Variants in EXOC4 observed in about 807,000 individuals in gnomAD.
The protein encoded by EXOC4 is SEC8-like 1.
EXOC4 carries 71 observed loss-of-function variants against 107.2 expected under a neutral mutation model. The ratio of observed to expected loss-of-function variants is 0.66; its 90% CI spans 0.55 to 0.81. The LOEUF (loss-of-function observed/expected upper bound fraction) is 0.81, where lower values mean the gene tolerates loss of function less well. EXOC4 is among the 30% of genes least tolerant of loss of function. EXOC4 has a pLI of 0.00. For synonymous variants in EXOC4, 456 were observed against 441.2 expected (o/e 1.03, Z -0.42); for missense variants, 1,108 against 1,189.6 (o/e 0.93, Z 1.01).
chr7:133,772,526 TAA>T (rs59601566), intron 10 of EXOC4, among the ~76,000 whole-genome samples: 73 of 149,998 alleles, frequency 4.9e-4, no homozygotes, highest in East Asian at 1.6e-3. Flanking sequence ...ACTTAAAGTA[TAA>T]AAAAAAAAAA....
chr7:134,036,168 G>A (rs1015739750), intron 17 of EXOC4, among the ~76,000 whole-genome samples: 16 of 152,170 alleles, frequency 1.1e-4, no homozygotes, highest in African/African-American at 3.6e-4. Flanking sequence ...GCCCCTGTAT[G>A]AGTTTAATGA....
intron 5 of EXOC4, among the ~76,000 whole-genome samples, chr7:133,318,092 T>C (rs1222081999): frequency 6.6e-6 from 1 of 152,228 alleles, no homozygotes; most frequent in African/African-American, 2.4e-5. Context: ...TGTCTGGTCC[T>C]GGGAGCTTCT....
chr7:133,842,159 G>A (rs1485592337), intron 11 of EXOC4, among the ~76,000 whole-genome samples: 1 of 152,136 alleles, frequency 6.6e-6, no homozygotes, highest in Non-Finnish European at 1.5e-5. Context: ...ATTCCTTTGG[G>A]TATATACTCA....
intron 1 of EXOC4, among the ~76,000 whole-genome samples, chr7:133,259,182 A>C (rs1367265678): frequency 6.6e-6 from 1 of 151,772 alleles, no homozygotes; most frequent in Non-Finnish European, 1.5e-5. Context: ...AAGTGGAGGA[A>C]TTAAACATAC....
chr7:133,392,461 T>C (rs1796874596), intron 7 of EXOC4, among the ~76,000 whole-genome samples: 2 of 152,128 alleles, frequency 1.3e-5, no homozygotes, highest in African/African-American at 2.4e-5. Context: ...TAATATAAAA[T>C]GGGCCCATGT....
chr7:133,628,081 T>G (rs1341758557), intron 9 of EXOC4, among the ~76,000 whole-genome samples: 2 of 56,332 alleles, frequency 3.6e-5, no homozygotes, highest in South Asian at 8.9e-4. Flanking sequence ...AATGTTTAAT[T>G]TAGAAGAAGG....
At chr7:133,387,869 A>T (rs973910551) in intron 7 of EXOC4, among the ~76,000 whole-genome samples, 1 of 152,144 alleles carries the variant, frequency 6.6e-6, no homozygotes, top group Non-Finnish European at 1.5e-5. Context: ...GGGTTAAAGT[A>T]GTTGAGTTCA....
At chr7:133,308,310 A>G (rs1794798094) in intron 4 of EXOC4, among the ~76,000 whole-genome samples, 1 of 152,164 alleles carries the variant, frequency 6.6e-6, no homozygotes, top group South Asian at 2.1e-4. Context: ...CTGTATTTGG[A>G]AATAGGGTCT....
chr7:133,495,632 T>C (rs1799460835), intron 9 of EXOC4, among the ~76,000 whole-genome samples: 1 of 152,242 alleles, frequency 6.6e-6, no homozygotes, highest in East Asian at 1.9e-4. Context: ...CAACAAAATG[T>C]CTGGCACATT....
At chr7:133,625,633 A>G (rs1802434956) in intron 9 of EXOC4, among the ~76,000 whole-genome samples, 3 of 152,244 alleles carry the variant, frequency 2.0e-5, no homozygotes, top group Non-Finnish European at 4.4e-5. Context: ...GAATTCTAAA[A>G]GAAGGGACCA....
chr7:133,836,722 T>C (rs1017857452), intron 11 of EXOC4, among the ~76,000 whole-genome samples: 1 of 152,154 alleles, frequency 6.6e-6, no homozygotes, highest in Non-Finnish European at 1.5e-5. Context: ...AAAGTCACAA[T>C]GATTTAAATA....
chr7:133,993,113 G>A (rs1015316827), intron 14 of EXOC4, among the ~76,000 whole-genome samples: 1 of 152,080 alleles, frequency 6.6e-6, no homozygotes, highest in Non-Finnish European at 1.5e-5. Context: ...CTTGATCACA[G>A]TGAATGATAT....
chr7:133,472,937 C>T (rs1798918999), intron 7 of EXOC4, among the ~76,000 whole-genome samples: 1 of 152,068 alleles, frequency 6.6e-6, no homozygotes, highest in Non-Finnish European at 1.5e-5. Context: ...TACAAGGCCC[C>T]AGTCATTGGA....
chr7:133,853,395 CACA>C (rs1563027571), intron 11 of EXOC4, among the ~76,000 whole-genome samples: 8 of 124,390 alleles, frequency 6.4e-5, no homozygotes, highest in Admixed American at 1.5e-4. Flanking sequence ...CACACACACA[CACA>C]ACTTTTTAGA....
intron 17 of EXOC4, among the ~76,000 whole-genome samples, chr7:134,024,662 G>A (rs1045284928): frequency 3.3e-5 from 5 of 152,182 alleles, no homozygotes; most frequent in African/African-American, 4.8e-5. Flanking sequence ...GTCTTGGAGT[G>A]AAACAAAGTG....
intron 10 of EXOC4, among the ~76,000 whole-genome samples, chr7:133,725,201 G>A (rs545992215): frequency 1.4e-4 from 21 of 152,266 alleles, no homozygotes; most frequent in African/African-American, 7.2e-5. Context: ...TATGGCTAGC[G>A]TATTGGTCAG....
At chr7:133,372,349 A>C (rs925303431) in intron 6 of EXOC4, among the ~76,000 whole-genome samples, 3 of 152,130 alleles carry the variant, frequency 2.0e-5, no homozygotes, top group African/African-American at 2.4e-5. Flanking sequence ...AGCTACTATT[A>C]CACCTCCTTT....
At chr7:133,343,703 C>T (rs1420586993) in intron 5 of EXOC4, among the ~76,000 whole-genome samples, 1 of 151,720 alleles carries the variant, frequency 6.6e-6, no homozygotes, top group East Asian at 1.9e-4. Context: ...TTTTCGCATC[C>T]CTCATCCTGC....
chr7:133,938,006 GA>G lies in EXOC4; in HGVS notation c.2146del (p.Ser716AlafsTer67). On this transcript the variant is annotated frameshift_variant, in exon 14 of 18. Coordinates refer to ENST00000253861, the MANE Select transcript of EXOC4 (RefSeq NM_021807.4). LOFTEE classifies it high-confidence loss of function. ...SDLKALANMHESLEWLASRTK... is the reference protein window; with the variant it reads ...SDLKALANMHXSLEWLASRTK... ...CCTCAAAGCCTTGGCCAACATGCAT[GA>G]AAGCCTGGAATGGTTGGCAAGTCGA... 1 of 1,614,140 alleles carries G rather than the reference GA, an allele frequency of 6.2e-7. No individual in the cohort carries two copies.
Sources: allele counts gnomAD v4.1 joint callset (sites outside exome capture counted in the v4.1 genomes callset), GRCh38; gene constraint gnomAD v4.1.1; transcripts MANE v1.5; gene names NCBI Gene and HGNC (gene_info 2026-07-23, HGNC 2026-07-21).